Variants in ABCC4 observed in about 807,000 individuals in gnomAD.
The protein encoded by ABCC4 is ATP-binding cassette sub-family C member 4.
In ABCC4, 102 loss-of-function variants were observed where a neutral mutation model predicts 168.5. The ratio of observed to expected loss-of-function variants is 0.61; its 90% CI spans 0.52 to 0.71. The LOEUF (loss-of-function observed/expected upper bound fraction) is 0.71, where lower values mean the gene tolerates loss of function less well. Among genes scored for constraint, ABCC4 ranks in the 30% least tolerant of loss-of-function variants. The probability of loss-of-function intolerance (pLI) is 0.00; values close to 1 mark genes in which losing one functional copy is unlikely to be tolerated. For missense variants in ABCC4, 1,402 were observed against 1,605.8 expected, an observed-to-expected ratio of 0.87 and a Z score of 2.17; for synonymous variants, 617 against 590.7, an observed-to-expected ratio of 1.04 and a Z score of -0.65.
chr13:95,022,184 G>T (rs1325756370), intron 30 of ABCC4, among the ~76,000 whole-genome samples: 1 of 152,182 alleles, frequency 6.6e-6, no homozygotes, highest in Admixed American at 6.5e-5. Context: ...CGTTTAATTT[G>T]TGCGGCAAAG....
At chr13:95,120,741 G>A (rs536193992) in intron 19 of ABCC4, among the ~76,000 whole-genome samples, 1 of 152,266 alleles carries the variant, frequency 6.6e-6, no homozygotes, top group East Asian at 1.9e-4. Flanking sequence ...GAAGTAGAAT[G>A]TAAATGCAAG....
intron 20 of ABCC4, among the ~76,000 whole-genome samples, chr13:95,088,052 G>GT (rs1412541118): frequency 6.6e-6 from 1 of 152,072 alleles, no homozygotes; most frequent in East Asian, 1.9e-4. Flanking sequence ...TCCAGCGCTG[G>GT]TACCTGTGTT....
chr13:95,065,697 A>AG (rs1463200727), intron 25 of ABCC4, among the ~76,000 whole-genome samples: 10 of 152,214 alleles, frequency 6.6e-5, no homozygotes, highest in African/African-American at 2.4e-4. Flanking sequence ...GGAATTGCTG[A>AG]GGAACAGGTA....
At chr13:95,049,340 T>C (rs7995253) in intron 27 of ABCC4, among the ~76,000 whole-genome samples, 2,057 of 141,102 alleles carry the variant, frequency 0.015, 64 homozygotes, top group African/African-American at 0.052. Flanking sequence ...TCTAAAAAAA[T>C]AAATAAATAA....
At chr13:95,226,670 C>T (rs537806005) in intron 4 of ABCC4, among the ~76,000 whole-genome samples, 2 of 152,262 alleles carry the variant, frequency 1.3e-5, no homozygotes, top group Non-Finnish European at 2.9e-5. Flanking sequence ...TCAATCTCTA[C>T]CCTTGCCAAT....
At chr13:95,117,933 A>G (rs1303827004) in intron 19 of ABCC4, among the ~76,000 whole-genome samples, 2 of 152,162 alleles carry the variant, frequency 1.3e-5, no homozygotes, top group Non-Finnish European at 2.9e-5. Flanking sequence ...AAAAGAAGAA[A>G]AAAAGATAAA....
chr13:95,040,012 T>C (rs1337779895), intron 29 of ABCC4, among the ~76,000 whole-genome samples: 1 of 152,214 alleles, frequency 6.6e-6, no homozygotes, highest in African/African-American at 2.4e-5. Flanking sequence ...GAGAGTCATC[T>C]GACGTTGGAG....
At chr13:95,252,230 AAAATTG>A (rs1409608456) in intron 1 of ABCC4, among the ~76,000 whole-genome samples, 1 of 152,246 alleles carries the variant, frequency 6.6e-6, no homozygotes, top group Non-Finnish European at 1.5e-5. Flanking sequence ...AAAGGAAAAA[AAAATTG>A]TATGCTGAGG....
intron 20 of ABCC4, among the ~76,000 whole-genome samples, chr13:95,112,366 A>G (rs542475545): frequency 3.8e-3 from 584 of 151,834 alleles, no homozygotes; most frequent in African/African-American, 0.014. Flanking sequence ...AAAAAAAAAG[A>G]AAGTCACATG....
intron 1 of ABCC4, chr13:95,266,025 C>T (rs1316750561): frequency 6.6e-6 from 1 of 152,162 alleles, no homozygotes; most frequent in Non-Finnish European, 1.5e-5. Flanking sequence ...TCCTCACAAT[C>T]CTGTGAAGTA....
intron 4 of ABCC4, among the ~76,000 whole-genome samples, chr13:95,232,125 A>ATGG (rs71111599): frequency 0.71 from 107,442 of 150,912 alleles, 38,729 homozygotes; most frequent in Non-Finnish European, 0.79. Flanking sequence ...GCTGCTGATG[A>ATGG]TGATGGTGGT....
intron 30 of ABCC4, among the ~76,000 whole-genome samples, chr13:95,022,692 A>G (rs1807476444): frequency 1.3e-5 from 2 of 152,342 alleles, no homozygotes; most frequent in South Asian, 4.1e-4. Context: ...TCTCTTAGTC[A>G]TACGATTCTG....
chr13:95,104,797 G>T (rs1405581445), intron 20 of ABCC4, among the ~76,000 whole-genome samples: 1 of 152,224 alleles, frequency 6.6e-6, no homozygotes, highest in East Asian at 1.9e-4. Flanking sequence ...GCCAGAGGCA[G>T]CCCAGTGGCA....
intron 1 of ABCC4, among the ~76,000 whole-genome samples, chr13:95,252,010 C>T (rs776901273): frequency 1.8e-4 from 27 of 152,148 alleles, no homozygotes; most frequent in South Asian, 1.4e-3. Flanking sequence ...ATGCTACAGA[C>T]GTCACCCACC....
intron 27 of ABCC4, among the ~76,000 whole-genome samples, chr13:95,052,745 C>G (rs1486634930): frequency 6.6e-6 from 1 of 152,130 alleles, no homozygotes; most frequent in African/African-American, 2.4e-5. Flanking sequence ...TAGAAATTCC[C>G]TAAGAACAGA....
chr13:95,195,938 C>T (rs2038402777), intron 8 of ABCC4, among the ~76,000 whole-genome samples: 2 of 152,268 alleles, frequency 1.3e-5, no homozygotes, highest in Admixed American at 6.5e-5. Context: ...TACACCTACA[C>T]TTATCTTTTT....
intron 19 of ABCC4, among the ~76,000 whole-genome samples, chr13:95,122,121 T>A (rs553498588): frequency 6.6e-6 from 1 of 152,332 alleles, no homozygotes; most frequent in South Asian, 2.1e-4. Context: ...CTTCATCTTA[T>A]TTTTTTCTAA....
Position 95,209,515 on chromosome 13 carries a change from A to T in ABCC4, c.704T>A (p.Ile235Lys), listed in dbSNP as rs769856095. ...AACTGCCATCCCAGCAAGGCACGATATTCCTATCTCCATCCAGAGTAGGGC... is the reference window on the plus strand; with the variant it reads ...AACTGCCATCCCAGCAAGGCACGATTTTCCTATCTCCATCCAGAGTAGGGC... ...VTALLWMEIG[I>K]SCLAGMAVLI... Residue 235 changes from isoleucine (I) to lysine (K), a missense_variant, in exon 6 of 31, where the codon ATA (isoleucine) becomes AAA (lysine). This residue lies in a region of ABCC4 where 317 missense variants were observed against 345.5 expected (regional missense o/e 0.92). Coordinates refer to ENST00000645237, the MANE Select transcript of ABCC4 (RefSeq NM_005845.5). 6.2e-7 allele frequency: 1 copy of T among 1,614,064 alleles called. No individual in the cohort carries two copies. Among genetic ancestry groups the T allele is most frequent in the African/African-American group, 1.3e-5 (1 of 74,938 alleles).
intron 1 of ABCC4, among the ~76,000 whole-genome samples, chr13:95,282,086 A>ACAACAGAGCCACTGCACTCCAGCCTGGG (rs1167625441): frequency 6.6e-6 from 1 of 151,686 alleles, no homozygotes; most frequent in Non-Finnish European, 1.5e-5. Flanking sequence ...TCCAGCCTGG[A>ACAACAGAGCCACTGCACTCCAGCCTGGG]CAACAGAGCC....
Sources: allele counts gnomAD v4.1 joint callset (sites outside exome capture counted in the v4.1 genomes callset), GRCh38; gene constraint gnomAD v4.1.1; regional missense constraint gnomAD v4.1.1; transcripts MANE v1.5; gene names NCBI Gene and HGNC (gene_info 2026-07-23, HGNC 2026-07-21).